The following FSTL5 variants were observed in gnomAD, a reference collection of about 807,000 sequenced individuals.
The protein encoded by FSTL5 is follistatin like 5.
In FSTL5, 62 loss-of-function variants were observed where a neutral mutation model predicts 89.1. The observed-to-expected ratio is 0.70, with a 90% CI of 0.57 to 0.86. The LOEUF is 0.86. FSTL5 is among the 40% of genes least tolerant of loss of function. The pLI, the probability that FSTL5 is intolerant of heterozygous loss-of-function variation, is 0.00. For missense variants in FSTL5, 1,057 were observed against 1,001.6 expected (o/e 1.06, Z -0.75); for synonymous variants, 383 against 346.2 (o/e 1.11, Z -1.18).
chr4:161,869,440 A>C lies in FSTL5; in HGVS notation c.409+50964T>G, dbSNP rs1317978321. Among the ~76,000 whole-genome samples, 6 of 152,204 alleles carry C rather than the reference A, an allele frequency of 3.9e-5. No homozygotes were observed. The East Asian group carries it at 9.6e-4, about 24-fold the overall frequency. ...TATCAGATCCTTTAGCAGCAAAATG[A>C]GAATAATACCACTGTAGCTGACATT... On this transcript the variant is annotated intron_variant, in intron 4 of 15. Coordinates refer to ENST00000306100, the MANE Select transcript of FSTL5 (RefSeq NM_020116.5).
chr4:161,436,690 C>T (rs1732570927), intron 15 of FSTL5, among the ~76,000 whole-genome samples: 1 of 152,150 alleles, frequency 6.6e-6, no homozygotes, highest in African/African-American at 2.4e-5. Flanking sequence ...ATATCTGTAT[C>T]AAAACCCTTC....
intron 6 of FSTL5, among the ~76,000 whole-genome samples, chr4:161,725,693 A>T (rs1379817676): frequency 6.6e-6 from 1 of 152,160 alleles, no homozygotes; most frequent in Admixed American, 6.5e-5. Context: ...AATCCTAGGC[A>T]TCATCTGGAT....
intron 1 of FSTL5, among the ~76,000 whole-genome samples, chr4:162,149,554 C>T (rs575649226): frequency 1.1e-4 from 17 of 151,930 alleles, no homozygotes; most frequent in African/African-American, 4.1e-4. Flanking sequence ...TGTGCATCAT[C>T]CCCCACAAAG....
At chr4:162,030,969 C>T (rs908411782) in intron 3 of FSTL5, among the ~76,000 whole-genome samples, 1 of 152,112 alleles carries the variant, frequency 6.6e-6, no homozygotes, top group African/African-American at 2.4e-5. Flanking sequence ...ACAAAATTCT[C>T]AATGCATTTT....
intron 4 of FSTL5, among the ~76,000 whole-genome samples, chr4:161,829,463 T>G (rs1332504468): frequency 1.3e-5 from 2 of 151,890 alleles, no homozygotes; most frequent in Non-Finnish European, 2.9e-5. Flanking sequence ...AATCTACACA[T>G]ATCATATTAT....
intron 7 of FSTL5, among the ~76,000 whole-genome samples, chr4:161,612,290 T>C (rs1734681431): frequency 6.6e-6 from 1 of 152,196 alleles, no homozygotes; most frequent in African/African-American, 2.4e-5. Flanking sequence ...TAAATAAAAA[T>C]TTATTCCTAC....
At chr4:162,005,136 T>C (rs769824592) in intron 3 of FSTL5, among the ~76,000 whole-genome samples, 1 of 152,184 alleles carries the variant, frequency 6.6e-6, no homozygotes, top group Non-Finnish European at 1.5e-5. Flanking sequence ...GTGTCCCATT[T>C]TTCCTTCCTC....
At chr4:161,436,143 G>A (rs1732553065) in intron 15 of FSTL5, among the ~76,000 whole-genome samples, 1 of 152,102 alleles carries the variant, frequency 6.6e-6, no homozygotes, top group African/African-American at 2.4e-5. Context: ...AGAGATCGCT[G>A]TGTAGTCACC....
intron 7 of FSTL5, among the ~76,000 whole-genome samples, chr4:161,597,911 T>G (rs1355198126): frequency 6.6e-6 from 1 of 152,088 alleles, no homozygotes; most frequent in Non-Finnish European, 1.5e-5. Context: ...AGATCACAAA[T>G]ACAACATACG....
At chr4:161,569,589 T>G (rs1191037842) in intron 8 of FSTL5, among the ~76,000 whole-genome samples, 1 of 152,122 alleles carries the variant, frequency 6.6e-6, no homozygotes, top group African/African-American at 2.4e-5. Flanking sequence ...TGAAGTGGTT[T>G]GAAAACATAT....
At chr4:161,869,357 C>T in intron 4 of FSTL5, among the ~76,000 whole-genome samples, 1 of 152,268 alleles carries the variant, frequency 6.6e-6, no homozygotes, top group Non-Finnish European at 1.5e-5. Context: ...ATATCGGCTT[C>T]ACATTCAGGC....
At chr4:161,722,154 A>G (rs1014632925) in intron 6 of FSTL5, among the ~76,000 whole-genome samples, 24 of 152,180 alleles carry the variant, frequency 1.6e-4, no homozygotes, top group African/African-American at 5.5e-4. Context: ...ATTAGTTCCC[A>G]GAAATGTTAA....
chr4:161,434,161 T>C (rs1474660072), intron 15 of FSTL5, among the ~76,000 whole-genome samples: 1 of 151,980 alleles, frequency 6.6e-6, no homozygotes, highest in Non-Finnish European at 1.5e-5. Context: ...TATACTACAG[T>C]GCTGTAGTAA....
At chr4:162,068,685 C>T (rs1022475783) in intron 2 of FSTL5, among the ~76,000 whole-genome samples, 2 of 151,964 alleles carry the variant, frequency 1.3e-5, no homozygotes, top group East Asian at 1.9e-4. Context: ...GCAACAAAAG[C>T]AAAAATTGGC....
intron 7 of FSTL5, among the ~76,000 whole-genome samples, chr4:161,620,263 A>G (rs1180804215): frequency 6.6e-6 from 1 of 151,648 alleles, no homozygotes; most frequent in Non-Finnish European, 1.5e-5. Flanking sequence ...TGGGTGCAGC[A>G]CACCAGCATG....
intron 2 of FSTL5, among the ~76,000 whole-genome samples, chr4:162,080,374 G>A (rs1455498942): frequency 3.3e-5 from 4 of 119,594 alleles, no homozygotes; most frequent in African/African-American, 1.4e-4. Flanking sequence ...TTGCTAGAGG[G>A]TTTTAAGAAG....
intron 3 of FSTL5, among the ~76,000 whole-genome samples, chr4:161,964,550 A>G (rs1735270544): frequency 6.6e-6 from 1 of 151,904 alleles, no homozygotes; most frequent in Non-Finnish European, 1.5e-5. Context: ...AATATAGCGG[A>G]GTGGGAGATT....
At chr4:161,890,286 T>G (rs575348841) in intron 4 of FSTL5, among the ~76,000 whole-genome samples, 5 of 152,302 alleles carry the variant, frequency 3.3e-5, no homozygotes, top group African/African-American at 1.2e-4. Flanking sequence ...AGATGCAGGA[T>G]GATGTCAAAT....
rs1049494263 is a variant in FSTL5 at position 161,531,933 on chromosome 4, G to A, written c.1312+6233C>T. Among the ~76,000 whole-genome samples the A allele has an allele frequency of 5.9e-5, 9 of 152,050 alleles. No homozygotes were observed. The East Asian group carries it at 7.7e-4, about 13-fold the overall frequency. On this transcript the variant is annotated intron_variant, in intron 10 of 15. Coordinates refer to ENST00000306100, the MANE Select transcript of FSTL5 (RefSeq NM_020116.5). ...AAATTATTTTTAGAGGGCCGGGCGT[G>A]GTGGCTCACGCCTATAATCCCAGCA... is the stretch of plus-strand genomic sequence containing the variant.
Sources: gnomAD v4.1 joint callset for allele counts (sites outside exome capture counted in the v4.1 genomes callset) on GRCh38, gnomAD v4.1.1 for gene constraint, MANE v1.5 for transcripts, NCBI Gene and HGNC (gene_info 2026-07-23, HGNC 2026-07-21) for gene names.